The following SLIT3 variants were observed in gnomAD, a reference collection of about 807,000 sequenced individuals.
SLIT3 encodes the protein slit homolog 3 protein.
In SLIT3, 68 loss-of-function variants were observed where a neutral mutation model predicts 184.0. The observed-to-expected ratio is 0.37, with a 90% CI of 0.30 to 0.45. The LOEUF (loss-of-function observed/expected upper bound fraction) is 0.45, where lower values mean the gene tolerates loss of function less well. Among genes scored for constraint, SLIT3 ranks in the 20% least tolerant of loss-of-function variants. The pLI is 1.00. For missense variants in SLIT3, 1,707 were observed against 2,026.0 expected, an observed-to-expected ratio of 0.84 and a Z score of 3.02; for synonymous variants, 831 against 828.6, an observed-to-expected ratio of 1.00 and a Z score of -0.05.
intron 6 of SLIT3, among the ~76,000 whole-genome samples, chr5:168,835,037 G>A (rs1272844832): frequency 6.6e-6 from 1 of 152,136 alleles, no homozygotes; most frequent in Non-Finnish European, 1.5e-5. Flanking sequence ...TGCACTTCAA[G>A]TGCTCAAGAG....
intron 26 of SLIT3, among the ~76,000 whole-genome samples, chr5:168,704,601 T>G (rs1762323120): frequency 6.6e-6 from 1 of 152,224 alleles, no homozygotes; most frequent in African/African-American, 2.4e-5. Flanking sequence ...AAGACGATAA[T>G]AAAACTTATT....
intron 4 of SLIT3, among the ~76,000 whole-genome samples, chr5:169,187,237 T>C (rs1202170206): frequency 6.7e-6 from 1 of 149,162 alleles, no homozygotes; most frequent in Non-Finnish European, 1.5e-5. Context: ...CCTCAGCCTC[T>C]GAGTAGCTGG....
At chr5:168,832,009 G>A (rs754045253) in intron 6 of SLIT3, among the ~76,000 whole-genome samples, 1 of 152,178 alleles carries the variant, frequency 6.6e-6, no homozygotes, top group South Asian at 2.1e-4. Context: ...CCTTGACTCC[G>A]AAGAACTCCT....
Position 168,791,319 on chromosome 5 carries a change from A to G in SLIT3, c.1008-1688T>C, listed in dbSNP as rs772307670. The stretch of plus-strand genomic sequence containing the variant: ...CTCTGCTTTAGCTCTGGGAGGGCAA[A>G]CTGGTTTTCAGTCCACAACTAGACT... On this transcript the variant is annotated intron_variant, in intron 10 of 35. Coordinates refer to ENST00000519560, the MANE Select transcript of SLIT3 (RefSeq NM_003062.4). 5 of 152,356 alleles carry G rather than the reference A, an allele frequency of 3.3e-5. No individual in the cohort carries two copies. The East Asian group carries it at 9.6e-4, about 29-fold the overall frequency. The allele number at this position is 152,356 out of a possible 1,614,324, so 9.4% of individuals were successfully genotyped here.
chr5:169,019,110 C>CCTGGGAAGGAGAAAGGAAGTGACATGGCA (rs1756503116), intron 4 of SLIT3, among the ~76,000 whole-genome samples: 1 of 152,184 alleles, frequency 6.6e-6, no homozygotes, highest in Non-Finnish European at 1.5e-5. Context: ...TTAGCTGCAT[C>CCTGGGAAGGAGAAAGGAAGTGACATGGCA]CTGGGAAGGA....
chr5:169,092,940 C>G (rs984645912), intron 4 of SLIT3, among the ~76,000 whole-genome samples: 10 of 152,180 alleles, frequency 6.6e-5, no homozygotes, highest in Admixed American at 4.6e-4. Flanking sequence ...TGTGTAGCGG[C>G]TTATTTCTAA....
At position 168,669,854 on chromosome 5, in the gene SLIT3, C is replaced by T; in HGVS notation, c.4265G>A (p.Cys1422Tyr). 3 of 1,614,200 alleles carry T rather than the reference C, an allele frequency of 1.9e-6. No individual in the cohort carries two copies. In the African/African-American group the frequency reaches 4.0e-5, roughly 22 times the overall value. Residue 1422 changes from cysteine to tyrosine, a missense_variant, in exon 35 of 36, where the codon TGC (cysteine) becomes TAC (tyrosine). Cys to Tyr is a radical substitution (Grantham distance 194, BLOSUM62 -2). This residue lies in a region of SLIT3 where 387 missense variants were observed against 477.9 expected (regional missense o/e 0.81). Transcript: ENST00000519560. The stretch of plus-strand genomic sequence containing the variant: ...GGGCTCCCCTTGGTCTGAGATGTGG[C>T]ACTGCCCATGGTGACACTTGAAGGC... ...CSAFKCHHGQ[C>Y]HISDQGEPYC...
intron 4 of SLIT3, among the ~76,000 whole-genome samples, chr5:168,966,110 C>A (rs1763181521): frequency 6.6e-6 from 1 of 152,172 alleles, no homozygotes; most frequent in African/African-American, 2.4e-5. Flanking sequence ...AAATAGGCAA[C>A]ATAAAAGCAA....
chr5:168,906,786 G>A (rs796228190), intron 4 of SLIT3, among the ~76,000 whole-genome samples: 7 of 152,264 alleles, frequency 4.6e-5, no homozygotes, highest in African/African-American at 1.7e-4. Context: ...GAAATTCAGG[G>A]AATGATTGTA....
intron 4 of SLIT3, among the ~76,000 whole-genome samples, chr5:169,140,318 A>T (rs1581450364): frequency 1.1e-5 from 1 of 92,806 alleles, no homozygotes; most frequent in Admixed American, 1.1e-4. Context: ...CAAAAAAAAA[A>T]AAAAAAAAAA....
At chr5:169,132,447 A>AT (rs1170387018) in intron 4 of SLIT3, among the ~76,000 whole-genome samples, 1 of 152,186 alleles carries the variant, frequency 6.6e-6, no homozygotes, top group African/African-American at 2.4e-5. Context: ...AACTATTAAA[A>AT]TTTTTTTAAA....
At chr5:169,035,812 G>T (rs1002921652) in intron 4 of SLIT3, among the ~76,000 whole-genome samples, 3 of 152,116 alleles carry the variant, frequency 2.0e-5, no homozygotes, top group Admixed American at 6.5e-5. Flanking sequence ...GGAATGAGAG[G>T]CTCCTTGAAA....
At chr5:168,823,182 T>A in intron 7 of SLIT3, 78 bp downstream of exon 7, 1 of 1,109,924 alleles carries the variant, frequency 9.0e-7, no homozygotes, top group Non-Finnish European at 1.4e-6. Context: ...ATGGTAGGTT[T>A]GACAAGCAGC....
At chr5:169,124,221 T>C (rs75879199) in intron 4 of SLIT3, among the ~76,000 whole-genome samples, 13 of 152,222 alleles carry the variant, frequency 8.5e-5, no homozygotes, top group Non-Finnish European at 2.9e-5. Context: ...GCAGGTATCA[T>C]TGCTTACAAA....
chr5:168,856,765 T>TTG (rs1758883098), intron 5 of SLIT3, among the ~76,000 whole-genome samples: 1 of 111,452 alleles, frequency 9.0e-6, no homozygotes, highest in African/African-American at 3.7e-5. Context: ...GCTGAGTTCC[T>TTG]CGTGTGTGTG....
At chr5:168,999,234 A>G (rs1451826286) in intron 4 of SLIT3, among the ~76,000 whole-genome samples, 2 of 152,124 alleles carry the variant, frequency 1.3e-5, no homozygotes, top group African/African-American at 4.8e-5. Context: ...ACTTCCAAGT[A>G]TGAGAGCCTC....
At chr5:169,139,242 A>G (rs1761636693) in intron 4 of SLIT3, among the ~76,000 whole-genome samples, 1 of 152,254 alleles carries the variant, frequency 6.6e-6, no homozygotes, top group Non-Finnish European at 1.5e-5. Context: ...CTACAGAAAA[A>G]TACAAGGTTT....
chr5:169,171,272 T>C (rs79499481), intron 4 of SLIT3, among the ~76,000 whole-genome samples: 7,032 of 152,296 alleles, frequency 0.046, 214 homozygotes, highest in East Asian at 0.093. Context: ...TTGCAATGAC[T>C]TTCCAGTTTA....
chr5:169,141,419 G>GTTTTT (rs1554101709), intron 4 of SLIT3, among the ~76,000 whole-genome samples: 1 of 143,148 alleles, frequency 7.0e-6, no homozygotes, highest in African/African-American at 2.6e-5. Context: ...TTTGTTGTTT[G>GTTTTT]TTTTGTTTTT....
Sources: allele counts gnomAD v4.1 joint callset (sites outside exome capture counted in the v4.1 genomes callset), GRCh38; gene constraint gnomAD v4.1.1; regional missense constraint gnomAD v4.1.1; transcripts MANE v1.5; gene names NCBI Gene and HGNC (gene_info 2026-07-23, HGNC 2026-07-21).